Variants in XKR4 observed in about 807,000 individuals in gnomAD.
XKR4 encodes XK-related protein 4.
XKR4 carries 12 observed loss-of-function variants against 53.9 expected under a neutral mutation model. That is an observed-to-expected ratio of 0.22 (90% CI 0.14 to 0.36). The LOEUF (loss-of-function observed/expected upper bound fraction) is 0.36, where lower values mean the gene tolerates loss of function less well. Ranked by LOEUF, XKR4 falls within the 10% of genes least tolerant of loss-of-function variation. The probability of loss-of-function intolerance (pLI) is 1.00; values close to 1 mark genes in which losing one functional copy is unlikely to be tolerated. For synonymous variants in XKR4, 354 were observed against 362.4 expected (o/e 0.98, Z 0.26); for missense variants, 799 against 859.5 (o/e 0.93, Z 0.88).
At chr8:55,479,726 A>G (rs113381631) in intron 2 of XKR4, among the ~76,000 whole-genome samples, 116,430 of 152,012 alleles carry the variant, frequency 0.77, 45,350 homozygotes, top group African/African-American at 0.91. Context: ...TATCACCACC[A>G]ATCCCACAGA....
chr8:55,222,725 T>TG (rs1260663181), intron 1 of XKR4, among the ~76,000 whole-genome samples: 14 of 152,260 alleles, frequency 9.2e-5, no homozygotes, highest in Non-Finnish European at 2.1e-4. Context: ...AATGAGTGAA[T>TG]GAAACCCTTA....
At chr8:55,516,610 G>C (rs921566463) in intron 2 of XKR4, among the ~76,000 whole-genome samples, 19 of 152,084 alleles carry the variant, frequency 1.2e-4, no homozygotes, top group African/African-American at 4.6e-4. Flanking sequence ...TCATTAAAAA[G>C]TCAAAAAAAC....
intron 1 of XKR4, among the ~76,000 whole-genome samples, chr8:55,350,490 C>G (rs2076991821): frequency 6.6e-6 from 1 of 152,130 alleles, no homozygotes; most frequent in Admixed American, 6.5e-5. Flanking sequence ...TTGATACGAG[C>G]TATATAGCAC....
chr8:55,507,683 A>C (rs535316092), intron 2 of XKR4, among the ~76,000 whole-genome samples: 3 of 152,034 alleles, frequency 2.0e-5, no homozygotes, highest in Non-Finnish European at 2.9e-5. Context: ...TGAACTCATC[A>C]TTTTTTATGG....
intron 1 of XKR4, among the ~76,000 whole-genome samples, chr8:55,144,188 G>C (rs1816741183): frequency 1.3e-5 from 2 of 152,086 alleles, no homozygotes; most frequent in African/African-American, 4.8e-5. Flanking sequence ...TTTAACAGGA[G>C]TTTCACACCC....
chr8:55,356,802 G>A (rs1284361394), intron 1 of XKR4, among the ~76,000 whole-genome samples: 1 of 152,098 alleles, frequency 6.6e-6, no homozygotes, highest in African/African-American at 2.4e-5. Context: ...TCTACTTACA[G>A]GCAAATTTTA....
intron 2 of XKR4, chr8:55,452,741 G>C: frequency 1.1e-6 from 1 of 909,540 alleles, no homozygotes; most frequent in South Asian, 1.3e-5. Context: ...AGGTCTCTCT[G>C]TCCTCAAAGC....
intron 2 of XKR4, among the ~76,000 whole-genome samples, chr8:55,420,010 T>C (rs779044491): frequency 6.6e-6 from 1 of 152,238 alleles, no homozygotes; most frequent in Non-Finnish European, 1.5e-5. Flanking sequence ...TAAGGATCAC[T>C]CCAACAATTG....
At chr8:55,220,299 G>A (rs927719608) in intron 1 of XKR4, among the ~76,000 whole-genome samples, 2 of 152,134 alleles carry the variant, frequency 1.3e-5, no homozygotes, top group Non-Finnish European at 2.9e-5. Context: ...ATAAACAAAT[G>A]ATTAAGTGTA....
Position 55,224,503 on chromosome 8 carries a change from T to A in XKR4, c.806+121209T>A, listed in dbSNP as rs78739531. Among the ~76,000 whole-genome samples, 1,331 of 152,300 alleles carry A rather than the reference T, an allele frequency of 8.7e-3. 13 individuals are homozygous for A. The highest frequency in any genetic ancestry group is 0.024 in the Middle Eastern group (7 of 292). On this transcript the variant is annotated intron_variant, in intron 1 of 2. Transcript: ENST00000327381. ...CACTCTCAACTTTGTCACTTACTTT[T>A]AATTATTCTTGACTCTCCACAATTG... is the stretch of plus-strand genomic sequence containing the variant.
At chr8:55,436,095 C>A (rs543690657) in intron 2 of XKR4, among the ~76,000 whole-genome samples, 175 of 152,264 alleles carry the variant, frequency 1.1e-3, no homozygotes, top group African/African-American at 4.0e-3. Flanking sequence ...GAATTCTGTT[C>A]TCTCTCAATG....
In XKR4 at chr8:55,259,094, CA is replaced by C. The variant is rs199675027; in HGVS notation, c.807-98583del. Among the ~76,000 whole-genome samples, 242 of 152,324 alleles carry C rather than the reference CA, an allele frequency of 1.6e-3. 2 individuals carry two copies. The highest frequency in any genetic ancestry group is 0.012 in the East Asian group (60 of 5,180). ...CTCTTTAAGCCACCATGTTCTACAA[CA>C]CAGTGCATGAGGTAAGAGAAGGTGA... On this transcript the variant is annotated intron_variant, in intron 1 of 2. Coordinates refer to ENST00000327381, the MANE Select transcript of XKR4 (RefSeq NM_052898.2).
Position 55,431,182 on chromosome 8 carries a change from G to A in XKR4, c.1006+73305G>A, listed in dbSNP as rs530358824. 2.6e-5 allele frequency among the ~76,000 whole-genome samples: 4 copies of A among 152,318 alleles called. No individual in the cohort carries two copies. In the South Asian group the frequency reaches 6.2e-4, roughly 24 times the overall value. On this transcript the variant is annotated intron_variant, in intron 2 of 2. Coordinates refer to ENST00000327381, the MANE Select transcript of XKR4 (RefSeq NM_052898.2). ...CCTTAACTGGAGAAGTAATTAGAAT[G>A]TGCTCACATTGAAGTTTAGTCTTTT...
chr8:55,489,527 G>T (rs1806242426), intron 2 of XKR4, among the ~76,000 whole-genome samples: 1 of 151,792 alleles, frequency 6.6e-6, no homozygotes, highest in Non-Finnish European at 1.5e-5. Flanking sequence ...ATGAAGTCCT[G>T]GCTCCTCATG....
At chr8:55,482,310 A>C (rs143551771) in intron 2 of XKR4, among the ~76,000 whole-genome samples, 52,075 of 151,434 alleles carry the variant, frequency 0.34, 10,816 homozygotes, top group African/African-American at 0.6. Flanking sequence ...AAAACCAAAC[A>C]CCGTATGTTC....
chr8:55,452,369 C>A, intron 2 of XKR4: 1 of 630,874 alleles, frequency 1.6e-6, no homozygotes, highest in East Asian at 3.0e-5. Context: ...TGAGCATCCC[C>A]GTGAAGATGA....
intron 1 of XKR4, among the ~76,000 whole-genome samples, chr8:55,256,848 A>G (rs769032987): frequency 4.7e-4 from 71 of 152,206 alleles, no homozygotes; most frequent in Non-Finnish European, 6.6e-4. Flanking sequence ...GCTGTATAAC[A>G]AAATTTCTTA....
chr8:55,134,363 A>G (rs911290841), intron 1 of XKR4, among the ~76,000 whole-genome samples: 4 of 152,232 alleles, frequency 2.6e-5, no homozygotes, highest in African/African-American at 9.6e-5. Flanking sequence ...AGTAGCCTGT[A>G]TATAATTTGT....
chr8:55,130,006 G>A (rs776313192), intron 1 of XKR4, among the ~76,000 whole-genome samples: 6 of 152,164 alleles, frequency 3.9e-5, no homozygotes, highest in Non-Finnish European at 7.4e-5. Flanking sequence ...CCGCGGAGGT[G>A]TGGGGTGTGG....
Sources: gnomAD v4.1 joint callset for allele counts (sites outside exome capture counted in the v4.1 genomes callset) on GRCh38, gnomAD v4.1.1 for gene constraint, MANE v1.5 for transcripts, NCBI Gene and HGNC (gene_info 2026-07-23, HGNC 2026-07-21) for gene names.